The following TBC1D22B variants were observed in gnomAD, a reference collection of about 807,000 sequenced individuals.
The protein encoded by TBC1D22B is TBC1 domain family member 22B, also known as chromosome 6 open reading frame 197.
In TBC1D22B, 32 loss-of-function variants were observed where a neutral mutation model predicts 69.1. The observed-to-expected ratio is 0.46, with a 90% CI of 0.35 to 0.62. The LOEUF is 0.62. TBC1D22B is among the 20% of genes least tolerant of loss of function. The probability of loss-of-function intolerance (pLI) is 0.00; values close to 1 mark genes in which losing one functional copy is unlikely to be tolerated. For missense variants in TBC1D22B, 462 were observed against 630.9 expected (o/e 0.73, Z 2.87); for synonymous variants, 206 against 229.8 (o/e 0.90, Z 0.94).
At chr6:37,315,323 G>A (rs1481664295) in intron 10 of TBC1D22B, among the ~76,000 whole-genome samples, 4 of 152,090 alleles carry the variant, frequency 2.6e-5, no homozygotes, top group Non-Finnish European at 4.4e-5. Flanking sequence ...AATCCCAGCC[G>A]AGGCAGGAGG....
At chr6:37,329,775 C>T (rs987177062) in intron 12 of TBC1D22B, among the ~76,000 whole-genome samples, 5 of 152,192 alleles carry the variant, frequency 3.3e-5, no homozygotes, top group African/African-American at 1.2e-4. Flanking sequence ...CTAAGATGAT[C>T]ACTTCTACTC....
chr6:37,282,507 A>G, intron 4 of TBC1D22B, 143 bp downstream of exon 4: 1 of 1,030,760 alleles, frequency 9.7e-7, no homozygotes, highest in East Asian at 2.6e-5. Flanking sequence ...ACATGCAGGT[A>G]TTAAGTCAGA....
intron 12 of TBC1D22B, among the ~76,000 whole-genome samples, chr6:37,326,392 A>G (rs1029905240): frequency 6.6e-6 from 1 of 151,410 alleles, no homozygotes; most frequent in African/African-American, 2.4e-5. Flanking sequence ...AAAAAAAAAA[A>G]AAGTATTCTC....
At chr6:37,327,114 AG>A (rs1232508570) in intron 12 of TBC1D22B, among the ~76,000 whole-genome samples, 1 of 152,182 alleles carries the variant, frequency 6.6e-6, no homozygotes, top group African/African-American at 2.4e-5. Context: ...AAGGGGCCAG[AG>A]GCCAGGGAGT....
chr6:37,305,476 T>C (rs1767683022), intron 8 of TBC1D22B, among the ~76,000 whole-genome samples: 1 of 151,612 alleles, frequency 6.6e-6, no homozygotes, highest in African/African-American at 2.4e-5. Flanking sequence ...CCTACAAGGG[T>C]AACTACTTTA....
At chr6:37,265,519 A>T (rs898017304) in intron 1 of TBC1D22B, among the ~76,000 whole-genome samples, 1 of 149,112 alleles carries the variant, frequency 6.7e-6, no homozygotes, top group Non-Finnish European at 1.5e-5. Context: ...TGTGCATATC[A>T]GTAGCCCTTT....
In TBC1D22B at chr6:37,332,185, G is replaced by A. The variant is rs916798414; in HGVS notation, c.*1013G>A. On this transcript the variant is annotated 3_prime_UTR_variant, in exon 13 of 13. Coordinates refer to ENST00000373491, the MANE Select transcript of TBC1D22B (RefSeq NM_017772.4). ...TCCTGCTGTGAGGGGTAGAACGGGAGGCTGCTGAAGTGAGTAGCTGAGCAG... is the reference window on the plus strand; with the variant it reads ...TCCTGCTGTGAGGGGTAGAACGGGAAGCTGCTGAAGTGAGTAGCTGAGCAG... 21 of 152,476 alleles carry A rather than the reference G, an allele frequency of 1.4e-4. No homozygotes were observed. Among genetic ancestry groups the A allele is most frequent in the African/African-American group, 5.1e-4 (21 of 41,420 alleles). The allele number at this position is 152,476 out of a possible 1,614,324, so 9.4% of individuals were successfully genotyped here. A position where few individuals can be genotyped will look rare whatever the true frequency, so the allele number is the denominator to read the frequency against.
chr6:37,283,036 T>A, intron 5 of TBC1D22B, 84 bp downstream of exon 5: 1 of 1,186,864 alleles, frequency 8.4e-7, no homozygotes, highest in Non-Finnish European at 1.2e-6. Flanking sequence ...ACATTGGTCT[T>A]AACTCCATAG....
chr6:37,301,768 T>C (rs1767579156), intron 8 of TBC1D22B, among the ~76,000 whole-genome samples: 1 of 152,250 alleles, frequency 6.6e-6, no homozygotes, highest in Admixed American at 6.5e-5. Context: ...GCTTCTCTTC[T>C]CTACTTCTCT....
At chr6:37,285,888 C>T (rs1475588757) in intron 6 of TBC1D22B, among the ~76,000 whole-genome samples, 1 of 152,252 alleles carries the variant, frequency 6.6e-6, no homozygotes, top group Non-Finnish European at 1.5e-5. Flanking sequence ...TCCCAAAGTG[C>T]TGGGATCACA....
chr6:37,304,875 G>T (rs1167271409), intron 8 of TBC1D22B, among the ~76,000 whole-genome samples: 1 of 152,186 alleles, frequency 6.6e-6, no homozygotes, highest in Non-Finnish European at 1.5e-5. Flanking sequence ...TGAGATAAGT[G>T]CTATGGATAG....
chr6:37,267,490 A>AATATATATATACACACTATATATATAAT lies in TBC1D22B; in HGVS notation c.57-2095_57-2094insTACACACTATATATATAATATATATATA, dbSNP rs78675421. ...TATATAATATATATACACTATATAT[A>AATATATATATACACACTATATATATAAT]ATATATATACACTATATATATAATA... is the stretch of plus-strand genomic sequence containing the variant. On this transcript the variant is annotated intron_variant, in intron 1 of 12. Transcript: ENST00000373491. Among the ~76,000 whole-genome samples the AATATATATATACACACTATATATATAAT allele has an allele frequency of 4.0e-3, 38 of 9,610 alleles. 1 individual carries two copies. Among genetic ancestry groups the AATATATATATACACACTATATATATAAT allele is most frequent in the Admixed American group, 8.1e-3 (5 of 616 alleles). 6.3% of individuals were successfully genotyped at this position (9,610 alleles called of 152,430 possible).
At chr6:37,323,319 G>A (rs1205758922) in intron 12 of TBC1D22B, among the ~76,000 whole-genome samples, 1 of 152,108 alleles carries the variant, frequency 6.6e-6, no homozygotes, top group East Asian at 1.9e-4. Context: ...CTTGAGCCCA[G>A]GAGTTCGAGA....
chr6:37,258,789 A>G (rs1464529547), intron 1 of TBC1D22B, among the ~76,000 whole-genome samples: 7 of 152,138 alleles, frequency 4.6e-5, no homozygotes, highest in African/African-American at 1.7e-4. Flanking sequence ...TATTTTGGGC[A>G]AAGTCCTGAG....
intron 12 of TBC1D22B, among the ~76,000 whole-genome samples, chr6:37,322,494 G>T (rs1768279958): frequency 6.6e-6 from 1 of 152,212 alleles, no homozygotes; most frequent in Non-Finnish European, 1.5e-5. Flanking sequence ...TCCAGCCAGG[G>T]CAGCAAAGTG....
intron 12 of TBC1D22B, among the ~76,000 whole-genome samples, chr6:37,320,212 A>G (rs563311589): frequency 1.9e-4 from 29 of 152,296 alleles, no homozygotes; most frequent in African/African-American, 5.8e-4. Flanking sequence ...TGTCAAGGTT[A>G]GGGACTGTGC....
chr6:37,268,600 A>G (rs1168343149), intron 1 of TBC1D22B, among the ~76,000 whole-genome samples: 1 of 152,176 alleles, frequency 6.6e-6, no homozygotes, highest in Non-Finnish European at 1.5e-5. Context: ...GGCTTAATGA[A>G]TAATCACAAA....
At chr6:37,330,800 GT>G (rs67477217) in intron 12 of TBC1D22B, among the ~76,000 whole-genome samples, 16,252 of 152,080 alleles carry the variant, frequency 0.11, 2,232 homozygotes, top group African/African-American at 0.32. Flanking sequence ...CCCTATTTAT[GT>G]TTTTTATGTT....
At chr6:37,321,686 GC>G (rs1344249716) in intron 12 of TBC1D22B, among the ~76,000 whole-genome samples, 1 of 152,188 alleles carries the variant, frequency 6.6e-6, no homozygotes, top group Non-Finnish European at 1.5e-5. Flanking sequence ...AGGGTGGACT[GC>G]AGCAGGGAGC....
Sources: allele counts gnomAD v4.1 joint callset (sites outside exome capture counted in the v4.1 genomes callset), GRCh38; gene constraint gnomAD v4.1.1; transcripts MANE v1.5; gene names NCBI Gene and HGNC (gene_info 2026-07-23, HGNC 2026-07-21).